FILIP1L: variants seen among roughly 807,000 people sequenced by gnomAD.
FILIP1L encodes the protein filamin A interacting protein 1 like.
FILIP1L carries 55 observed loss-of-function variants against 96.6 expected under a neutral mutation model. That is an observed-to-expected ratio of 0.57 (90% confidence interval 0.46 to 0.71). FILIP1L has a LOEUF of 0.71. Ranked by LOEUF, FILIP1L falls within the 30% of genes least tolerant of loss-of-function variation. The probability of loss-of-function intolerance (pLI) is 0.00; values close to 1 mark genes in which losing one functional copy is unlikely to be tolerated. For synonymous variants in FILIP1L, 467 were observed against 473.9 expected (o/e 0.99, Z 0.19); for missense variants, 1,304 against 1,321.2 (o/e 0.99, Z 0.20).
intron 4 of FILIP1L, among the ~76,000 whole-genome samples, chr3:99,914,878 T>C (rs1706904257): frequency 6.6e-6 from 1 of 152,268 alleles, no homozygotes; most frequent in African/African-American, 2.4e-5. Flanking sequence ...AGTATTCATC[T>C]ACTTTCATTG....
chr3:100,085,203 C>T (rs1030576794), intron 1 of FILIP1L, among the ~76,000 whole-genome samples: 1 of 152,122 alleles, frequency 6.6e-6, no homozygotes, highest in Non-Finnish European at 1.5e-5. Context: ...GTGATTATAC[C>T]GTACAACCAA....
In FILIP1L at chr3:100,010,929, G is replaced by C. The variant is rs1310538035; in HGVS notation, c.-10-79899C>G. ...GATGTGAGCCACCGCGCCCAGCTGA[G>C]AGTTTTTCTTTTGCATCATAGTTTA... On this transcript the variant is annotated intron_variant, in intron 1 of 5. Coordinates refer to ENST00000477258, the MANE Select transcript of FILIP1L (RefSeq NM_001387850.1). Among the ~76,000 whole-genome samples the C allele has an allele frequency of 2.6e-5, 4 of 151,746 alleles. No homozygotes were observed. In the South Asian group the frequency reaches 8.3e-4, roughly 32 times the overall value.
chr3:99,930,698 C>A, intron 2 of FILIP1L, 71 bp downstream of exon 2: 1 of 1,522,822 alleles, frequency 6.6e-7, no homozygotes. Flanking sequence ...ATTTCTGTGG[C>A]AGCAGGAACA....
At chr3:99,888,198 T>A (rs1347144691) in intron 4 of FILIP1L, among the ~76,000 whole-genome samples, 1 of 152,140 alleles carries the variant, frequency 6.6e-6, no homozygotes, top group Non-Finnish European at 1.5e-5. Context: ...ATTTTGAACT[T>A]ATTAAATATT....
chr3:99,987,134 G>A (rs1309995121), intron 1 of FILIP1L, among the ~76,000 whole-genome samples: 4 of 151,834 alleles, frequency 2.6e-5, no homozygotes, highest in African/African-American at 9.7e-5. Flanking sequence ...GGAGGCTGAG[G>A]CAGGAGGATC....
intron 4 of FILIP1L, among the ~76,000 whole-genome samples, chr3:99,875,482 T>C (rs1175240290): frequency 6.6e-6 from 1 of 152,220 alleles, no homozygotes; most frequent in Non-Finnish European, 1.5e-5. Flanking sequence ...CTATGATAGT[T>C]ACTTCCTTGT....
chr3:99,840,417 T>C (rs1013346533), intron 5 of FILIP1L, among the ~76,000 whole-genome samples: 4 of 151,894 alleles, frequency 2.6e-5, no homozygotes, highest in Non-Finnish European at 5.9e-5. Context: ...AGAGATGGGA[T>C]TTCACCATGT....
intron 1 of FILIP1L, among the ~76,000 whole-genome samples, chr3:100,102,161 G>C (rs1228453315): frequency 1.3e-5 from 2 of 152,128 alleles, no homozygotes; most frequent in Non-Finnish European, 2.9e-5. Context: ...GGGTCAAATG[G>C]TATTTCTAGT....
intron 1 of FILIP1L, among the ~76,000 whole-genome samples, chr3:100,013,217 T>TTGG (rs761322356): frequency 1.7e-5 from 2 of 118,594 alleles, no homozygotes; most frequent in African/African-American, 7.1e-5. Flanking sequence ...CAGTGAGGTG[T>TTGG]TGTTGTTGTT....
At chr3:100,084,193 GTAT>G (rs1559752004) in intron 1 of FILIP1L, among the ~76,000 whole-genome samples, 1 of 152,130 alleles carries the variant, frequency 6.6e-6, no homozygotes, top group Non-Finnish European at 1.5e-5. Context: ...CAAAAGCTCC[GTAT>G]TGTTATTTCA....
chr3:99,847,074 A>G (rs1329952659), intron 5 of FILIP1L, among the ~76,000 whole-genome samples: 1 of 152,210 alleles, frequency 6.6e-6, no homozygotes, highest in East Asian at 1.9e-4. Context: ...TATATTGTAA[A>G]TGGCATAATA....
At chr3:99,991,923 TAC>T (rs1709528717) in intron 1 of FILIP1L, among the ~76,000 whole-genome samples, 1 of 149,544 alleles carries the variant, frequency 6.7e-6, no homozygotes, top group Non-Finnish European at 1.5e-5. Context: ...TAGGTATATA[TAC>T]ACACATATGT....
chr3:99,899,693 T>G (rs1706373490), intron 4 of FILIP1L, among the ~76,000 whole-genome samples: 1 of 152,190 alleles, frequency 6.6e-6, no homozygotes, highest in Non-Finnish European at 1.5e-5. Context: ...CCCACCTCCT[T>G]GATTGTGATT....
chr3:99,972,036 A>G (rs531381029), intron 1 of FILIP1L, among the ~76,000 whole-genome samples: 1 of 152,330 alleles, frequency 6.6e-6, no homozygotes, highest in Admixed American at 6.5e-5. Flanking sequence ...AGTATCTATA[A>G]TATAGTTTGA....
rs143177905 is a variant in FILIP1L at position 100,100,774 on chromosome 3, C to T, written c.-11+13279G>A. Among the ~76,000 whole-genome samples the T allele has an allele frequency of 3.7e-3, 565 of 152,078 alleles. 2 individuals are homozygous for T. The highest frequency in any genetic ancestry group is 5.9e-3 in the Non-Finnish European group (398 of 68,022). On this transcript the variant is annotated intron_variant, in intron 1 of 5. Coordinates refer to ENST00000477258, the MANE Select transcript of FILIP1L (RefSeq NM_001387850.1). The stretch of plus-strand genomic sequence containing the variant: ...AGATATCTGGTGGAGTGTGAGACCT[C>T]GCAAGGTTAGTATCGCCTTGCTGCA...
chr3:100,050,598 C>A (rs1386193721), intron 1 of FILIP1L, among the ~76,000 whole-genome samples: 2 of 152,160 alleles, frequency 1.3e-5, no homozygotes, highest in African/African-American at 4.8e-5. Flanking sequence ...GTGGTACAAT[C>A]TCTGCTCACT....
intron 1 of FILIP1L, chr3:99,964,378 T>A (rs1708584729): frequency 6.7e-6 from 1 of 149,526 alleles, no homozygotes; most frequent in African/African-American, 2.5e-5. Context: ...TTGAGTACCA[T>A]ATGCCTTGTA....
intron 5 of FILIP1L, among the ~76,000 whole-genome samples, chr3:99,841,157 G>A (rs1242422682): frequency 3.3e-5 from 5 of 152,192 alleles, no homozygotes; most frequent in African/African-American, 1.2e-4. Context: ...AAGACACTGC[G>A]CATGTCACTG....
chr3:99,853,566 T>TA (rs1943810475), intron 4 of FILIP1L, among the ~76,000 whole-genome samples: 2 of 152,344 alleles, frequency 1.3e-5, no homozygotes, highest in African/African-American at 4.8e-5. Context: ...TCCATTTTGT[T>TA]CAGTGTTTTT....
Sources: gnomAD v4.1 joint callset for allele counts (sites outside exome capture counted in the v4.1 genomes callset) on GRCh38, gnomAD v4.1.1 for gene constraint, MANE v1.5 for transcripts, NCBI Gene and HGNC (gene_info 2026-07-23, HGNC 2026-07-21) for gene names.